CHST11: variants seen among roughly 807,000 people sequenced by gnomAD.
CHST11 encodes the protein carbohydrate sulfotransferase 11, also known as C4S-1.
CHST11 carries 9 observed loss-of-function variants against 30.4 expected under a neutral mutation model. The ratio of observed to expected loss-of-function variants is 0.30; its 90% CI spans 0.18 to 0.52. The LOEUF (loss-of-function observed/expected upper bound fraction) is 0.52, where lower values mean the gene tolerates loss of function less well. Among genes scored for constraint, CHST11 ranks in the 20% least tolerant of loss-of-function variants. CHST11 has a pLI of 0.97. For synonymous variants in CHST11, 152 were observed against 187.8 expected, an observed-to-expected ratio of 0.81 and a Z score of 1.56; for missense variants, 348 against 460.6, an observed-to-expected ratio of 0.76 and a Z score of 2.24.
chr12:104,561,070 G>A (rs2036836), intron 1 of CHST11, among the ~76,000 whole-genome samples: 15,142 of 152,164 alleles, frequency 0.1, 1,021 homozygotes, highest in Non-Finnish European at 0.15. Context: ...TCCCATCTGC[G>A]AGATGAGTAA....
chr12:104,662,126 A>G (rs1203403694), intron 2 of CHST11, among the ~76,000 whole-genome samples: 1 of 152,202 alleles, frequency 6.6e-6, no homozygotes, highest in Non-Finnish European at 1.5e-5. Flanking sequence ...CACCTGGCAC[A>G]TAGTAGGATC....
chr12:104,649,322 C>T (rs1304653510), intron 2 of CHST11, among the ~76,000 whole-genome samples: 1 of 152,136 alleles, frequency 6.6e-6, no homozygotes, highest in Non-Finnish European at 1.5e-5. Flanking sequence ...ATTAGCTATC[C>T]TGTGTTAAGT....
At chr12:104,495,523 AGT>A (rs2037791201) in intron 1 of CHST11, among the ~76,000 whole-genome samples, 1 of 152,072 alleles carries the variant, frequency 6.6e-6, no homozygotes, top group Non-Finnish European at 1.5e-5. Context: ...TCACAGTCCT[AGT>A]AGGTGTAAAG....
chr12:104,501,682 T>C (rs1009266124), intron 1 of CHST11, among the ~76,000 whole-genome samples: 1 of 152,224 alleles, frequency 6.6e-6, no homozygotes, highest in Non-Finnish European at 1.5e-5. Flanking sequence ...GTATTTATAG[T>C]CAGCCTGGAG....
intron 2 of CHST11, among the ~76,000 whole-genome samples, chr12:104,631,166 G>T (rs753036663): frequency 6.6e-6 from 1 of 152,176 alleles, no homozygotes; most frequent in East Asian, 1.9e-4. Flanking sequence ...GAGCAAGTTC[G>T]CAGTGGCGTA....
chr12:104,499,893 C>T (rs1326513363), intron 1 of CHST11, among the ~76,000 whole-genome samples: 3 of 152,202 alleles, frequency 2.0e-5, no homozygotes, highest in South Asian at 2.1e-4. Context: ...CCTGGTACAG[C>T]CAGCCCAGGG....
chr12:104,643,758 C>T (rs767465900), intron 2 of CHST11, among the ~76,000 whole-genome samples: 4 of 152,022 alleles, frequency 2.6e-5, no homozygotes, highest in African/African-American at 4.8e-5. Flanking sequence ...GGGATGGAAA[C>T]ATCAGTTGTG....
At position 104,487,384 on chromosome 12, in the gene CHST11, C is replaced by T. The variant is rs568147330; in HGVS notation, c.118+29855C>T. On this transcript the variant is annotated intron_variant, in intron 1 of 2. Transcript: ENST00000303694. ...TTAAGCGATCCTCCCACCTCAGCCT[C>T]ACAACTAGCTGGGACTACAGGCACA... 5.9e-5 allele frequency among the ~76,000 whole-genome samples: 9 copies of T among 152,326 alleles called. No homozygotes were observed. In the East Asian group the frequency reaches 1.7e-3, roughly 29 times the overall value.
chr12:104,679,037 T>C (rs2039768783), intron 2 of CHST11, among the ~76,000 whole-genome samples: 1 of 152,136 alleles, frequency 6.6e-6, no homozygotes, highest in African/African-American at 2.4e-5. Flanking sequence ...AGGGCACCCA[T>C]GATGTCGTTG....
At chr12:104,613,271 T>A (rs369618435) in intron 2 of CHST11, among the ~76,000 whole-genome samples, 1 of 133,420 alleles carries the variant, frequency 7.5e-6, no homozygotes, top group African/African-American at 2.7e-5. Context: ...AAAATGTGAG[T>A]GAGATAGATA....
intron 2 of CHST11, among the ~76,000 whole-genome samples, chr12:104,743,319 T>C (rs2040363469): frequency 6.6e-6 from 1 of 152,136 alleles, no homozygotes; most frequent in African/African-American, 2.4e-5. Context: ...CACCACTGAG[T>C]GTGAGCCTTC....
chr12:104,668,719 A>G (rs11112152), intron 2 of CHST11, among the ~76,000 whole-genome samples: 33,814 of 151,692 alleles, frequency 0.22, 3,932 homozygotes, highest in African/African-American at 0.28. Context: ...ACCCCCATAG[A>G]TGTATGGGTC....
intron 2 of CHST11, among the ~76,000 whole-genome samples, chr12:104,670,016 C>CT (rs780333314): frequency 6.6e-6 from 1 of 152,258 alleles, no homozygotes; most frequent in Non-Finnish European, 1.5e-5. Flanking sequence ...CTTAATAAAT[C>CT]TAAGTTCCCT....
At chr12:104,590,802 A>G (rs926942865) in intron 1 of CHST11, among the ~76,000 whole-genome samples, 10 of 152,148 alleles carry the variant, frequency 6.6e-5, no homozygotes, top group African/African-American at 2.4e-4. Flanking sequence ...CACGCCTGTA[A>G]TCCCAGCTAC....
chr12:104,514,597 C>A (rs1251579698), intron 1 of CHST11, among the ~76,000 whole-genome samples: 1 of 152,112 alleles, frequency 6.6e-6, no homozygotes, highest in African/African-American at 2.4e-5. Flanking sequence ...CGAAGTATGA[C>A]GTCAGTGTCT....
At chr12:104,652,856 G>A (rs913072066) in intron 2 of CHST11, among the ~76,000 whole-genome samples, 3 of 152,052 alleles carry the variant, frequency 2.0e-5, no homozygotes, top group South Asian at 2.1e-4. Context: ...CCAGCGAAGA[G>A]GGAGGCTGCC....
intron 2 of CHST11, among the ~76,000 whole-genome samples, chr12:104,681,638 TA>T (rs2039796278): frequency 6.6e-6 from 1 of 152,108 alleles, no homozygotes; most frequent in South Asian, 2.1e-4. Context: ...ATACAAAGTT[TA>T]AAATGACATG....
At chr12:104,648,152 G>A (rs2039453153) in intron 2 of CHST11, among the ~76,000 whole-genome samples, 1 of 152,196 alleles carries the variant, frequency 6.6e-6, no homozygotes, top group African/African-American at 2.4e-5. Context: ...GCTGACTACT[G>A]TGTATCCTCT....
At chr12:104,617,054 G>A (rs2039114874) in intron 2 of CHST11, among the ~76,000 whole-genome samples, 1 of 152,224 alleles carries the variant, frequency 6.6e-6, no homozygotes, top group South Asian at 2.1e-4. Context: ...AGGTGGGCCA[G>A]ATGGATGTGC....
Sources: gnomAD v4.1 joint callset for allele counts (sites outside exome capture counted in the v4.1 genomes callset) on GRCh38, gnomAD v4.1.1 for gene constraint, MANE v1.5 for transcripts, NCBI Gene and HGNC (gene_info 2026-07-23, HGNC 2026-07-21) for gene names.